FLT1: variants seen among roughly 807,000 people sequenced by gnomAD.
The protein encoded by FLT1 is vascular endothelial growth factor receptor 1.
A neutral mutation model predicts 156.3 loss-of-function variants in FLT1; 49 were observed. The ratio of observed to expected loss-of-function variants is 0.31; its 90% CI spans 0.25 to 0.40. The LOEUF (loss-of-function observed/expected upper bound fraction) is 0.40, where lower values mean the gene tolerates loss of function less well. Among genes scored for constraint, FLT1 ranks in the 10% least tolerant of loss-of-function variants. The probability of loss-of-function intolerance (pLI) is 1.00; values close to 1 mark genes in which losing one functional copy is unlikely to be tolerated. For synonymous variants in FLT1, 594 were observed against 583.8 expected (o/e 1.02, Z -0.25); for missense variants, 1,322 against 1,637.2 (o/e 0.81, Z 3.32).
At chr13:28,466,843 T>G in intron 3 of FLT1, 60 bp downstream of exon 3, 1 of 1,159,970 alleles carries the variant, frequency 8.6e-7, no homozygotes, top group Non-Finnish European at 1.3e-6. Context: ...TGGATCAGGG[T>G]AGATTTATGA....
intron 15 of FLT1, among the ~76,000 whole-genome samples, chr13:28,352,312 C>T (rs1032746726): frequency 6.6e-5 from 10 of 152,086 alleles, no homozygotes; most frequent in Admixed American, 1.3e-4. Context: ...AGTAGGATTA[C>T]GGATGTTATG....
At chr13:28,364,094 G>A (rs962462161) in intron 14 of FLT1, among the ~76,000 whole-genome samples, 4 of 152,090 alleles carry the variant, frequency 2.6e-5, no homozygotes, top group African/African-American at 9.7e-5. Flanking sequence ...TTTTGTCAAC[G>A]ATTTTAGGGT....
intron 14 of FLT1, among the ~76,000 whole-genome samples, chr13:28,382,556 T>C (rs1299580061): frequency 6.6e-6 from 1 of 152,100 alleles, no homozygotes; most frequent in East Asian, 1.9e-4. Context: ...TTTTATACTG[T>C]TGTGTTGAAA....
intron 1 of FLT1, among the ~76,000 whole-genome samples, chr13:28,473,569 C>T (rs746591392): frequency 1.5e-4 from 23 of 151,030 alleles, no homozygotes; most frequent in Non-Finnish European, 2.7e-4. Flanking sequence ...GGCTTAAACC[C>T]GGGAGGCGGA....
At chr13:28,459,369 C>T (rs1879438038) in intron 3 of FLT1, among the ~76,000 whole-genome samples, 1 of 152,182 alleles carries the variant, frequency 6.6e-6, no homozygotes, top group Non-Finnish European at 1.5e-5. Flanking sequence ...CTAGACAATT[C>T]CTGATCAAAA....
chr13:28,476,758 T>G (rs1880572119), intron 1 of FLT1, among the ~76,000 whole-genome samples: 1 of 152,216 alleles, frequency 6.6e-6, no homozygotes, highest in African/African-American at 2.4e-5. Flanking sequence ...AATCAAGAAA[T>G]TACCTAAATG....
chr13:28,413,858 C>T (rs1876476628), intron 10 of FLT1, among the ~76,000 whole-genome samples: 1 of 152,164 alleles, frequency 6.6e-6, no homozygotes, highest in Admixed American at 6.5e-5. Flanking sequence ...GCTAGTCAGA[C>T]CTGAGGTGAA....
intron 4 of FLT1, among the ~76,000 whole-genome samples, chr13:28,436,894 G>A (rs1351159655): frequency 6.6e-6 from 1 of 152,160 alleles, no homozygotes; most frequent in Non-Finnish European, 1.5e-5. Context: ...GGGAGAGTGA[G>A]GTGGAGAGAG....
intron 1 of FLT1, among the ~76,000 whole-genome samples, chr13:28,494,103 G>T (rs1420650779): frequency 6.6e-6 from 1 of 152,190 alleles, no homozygotes; most frequent in Non-Finnish European, 1.5e-5. Flanking sequence ...CCCGCGGTCC[G>T]AGAGCGGCGG....
At chr13:28,472,758 A>T (rs1880244465) in intron 1 of FLT1, among the ~76,000 whole-genome samples, 1 of 152,196 alleles carries the variant, frequency 6.6e-6, no homozygotes, top group South Asian at 2.1e-4. Context: ...GGGCCACATT[A>T]AGCCTCCGAT....
chr13:28,428,108 C>T (rs1877456594), intron 8 of FLT1, among the ~76,000 whole-genome samples, 187 bp from the exon 9 acceptor site: 3 of 152,120 alleles, frequency 2.0e-5, no homozygotes, highest in Admixed American at 2.0e-4. Flanking sequence ...CTGGGTAACA[C>T]TTCATATTTA....
At chr13:28,417,276 T>C (rs1801502227) in intron 10 of FLT1, among the ~76,000 whole-genome samples, 1 of 152,252 alleles carries the variant, frequency 6.6e-6, no homozygotes, top group Non-Finnish European at 1.5e-5. Context: ...CATTCATCTC[T>C]GGCAAGTTCT....
Position 28,372,566 on chromosome 13 carries a change from G to GTATA in FLT1, c.2116+12315_2116+12318dup, listed in dbSNP as rs57608920. ...CATATATTCCTCGTTTAAATAAAAT[G>GTATA]TATATATATATATATATATATATAT... On this transcript the variant is annotated intron_variant, in intron 14 of 29. Transcript: ENST00000282397. 2.4e-3 allele frequency among the ~76,000 whole-genome samples: 223 copies of GTATA among 91,426 alleles called. 5 individuals carry two copies. The highest frequency in any genetic ancestry group is 6.1e-3 in the African/African-American group (164 of 26,874). 60.0% of individuals were successfully genotyped at this position (91,426 alleles called of 152,430 possible). A position where few individuals can be genotyped will look rare whatever the true frequency, so the allele number is the denominator to read the frequency against.
chr13:28,307,872 C>T (rs911254431), intron 28 of FLT1, among the ~76,000 whole-genome samples: 2 of 152,084 alleles, frequency 1.3e-5, no homozygotes, highest in Non-Finnish European at 1.5e-5. Context: ...CCCGGGTTCA[C>T]GCCATTCTCC....
intron 1 of FLT1, among the ~76,000 whole-genome samples, chr13:28,472,689 A>G (rs1880240419): frequency 2.6e-5 from 4 of 152,026 alleles, no homozygotes; most frequent in Admixed American, 2.6e-4. Flanking sequence ...TCCATTTTTT[A>G]TTATGAGTCA....
chr13:28,388,695 G>A, intron 13 of FLT1: 1 of 1,056,476 alleles, frequency 9.5e-7, no homozygotes, highest in South Asian at 4.6e-5. Flanking sequence ...ATTTGCATAT[G>A]GGGAAAGTGG....
At chr13:28,486,648 C>A (rs1025976048) in intron 1 of FLT1, among the ~76,000 whole-genome samples, 4 of 152,202 alleles carry the variant, frequency 2.6e-5, no homozygotes, top group Non-Finnish European at 5.9e-5. Flanking sequence ...CCCTAACGTA[C>A]GTACCTCACT....
chr13:28,488,169 G>A (rs769628975), intron 1 of FLT1, among the ~76,000 whole-genome samples: 40 of 152,154 alleles, frequency 2.6e-4, no homozygotes, highest in Non-Finnish European at 4.7e-4. Context: ...AGATCGAGGC[G>A]GGTGGATCAC....
intron 16 of FLT1, among the ~76,000 whole-genome samples, chr13:28,344,006 T>TTCCCCC (rs1872457789): frequency 6.8e-6 from 1 of 147,876 alleles, no homozygotes; most frequent in Non-Finnish European, 1.5e-5. Context: ...TATTCACTCT[T>TTCCCCC]GCCCCCCACC....
Sources: gnomAD v4.1 joint callset for allele counts (sites outside exome capture counted in the v4.1 genomes callset) on GRCh38, gnomAD v4.1.1 for gene constraint, MANE v1.5 for transcripts, NCBI Gene and HGNC (gene_info 2026-07-23, HGNC 2026-07-21) for gene names.